The following ABTB2 variants were observed in gnomAD, a reference collection of about 807,000 sequenced individuals.
ABTB2 encodes ankyrin repeat and BTB/POZ domain-containing protein 2.
ABTB2 carries 56 observed loss-of-function variants against 104.1 expected under a neutral mutation model. That is an observed-to-expected ratio of 0.54 (90% confidence interval 0.43 to 0.67). ABTB2 has a LOEUF of 0.67. Among genes scored for constraint, ABTB2 ranks in the 30% least tolerant of loss-of-function variants. The pLI is 0.00. For missense variants in ABTB2, 1,279 were observed against 1,407.7 expected (o/e 0.91, Z 1.46); for synonymous variants, 606 against 608.2 (o/e 1.00, Z 0.05).
intron 1 of ABTB2, among the ~76,000 whole-genome samples, chr11:34,300,221 T>C (rs1854684973): frequency 6.6e-6 from 1 of 152,180 alleles, no homozygotes; most frequent in African/African-American, 2.4e-5. Flanking sequence ...GCTTCACAAG[T>C]TGTGGAAACC....
intron 1 of ABTB2, among the ~76,000 whole-genome samples, chr11:34,320,245 T>C (rs1854984282): frequency 6.6e-6 from 1 of 152,194 alleles, no homozygotes; most frequent in African/African-American, 2.4e-5. Context: ...ATGACCCAAA[T>C]AGAAATTTAA....
At chr11:34,188,724 CCAT>C (rs1853134908) in intron 3 of ABTB2, among the ~76,000 whole-genome samples, 1 of 152,170 alleles carries the variant, frequency 6.6e-6, no homozygotes, top group Admixed American at 6.5e-5. Flanking sequence ...GCCACCACTG[CCAT>C]CATCTCTATT....
At chr11:34,257,582 AC>A (rs1854139408) in intron 1 of ABTB2, among the ~76,000 whole-genome samples, 1 of 152,006 alleles carries the variant, frequency 6.6e-6, no homozygotes, top group African/African-American at 2.4e-5. Context: ...AGCTAATACG[AC>A]TGAGGAGTGA....
At chr11:34,248,285 G>T (rs918824332) in intron 1 of ABTB2, among the ~76,000 whole-genome samples, 1 of 151,656 alleles carries the variant, frequency 6.6e-6, no homozygotes, top group African/African-American at 2.4e-5. Context: ...GAGGGTGGGG[G>T]ATCTCATTTG....
intron 1 of ABTB2, among the ~76,000 whole-genome samples, chr11:34,304,446 C>A (rs1854747485): frequency 6.6e-6 from 1 of 152,156 alleles, no homozygotes; most frequent in African/African-American, 2.4e-5. Context: ...CCAATACTGT[C>A]ACAAGTGCTT....
chr11:34,198,212 G>T (rs1002299755), intron 2 of ABTB2, among the ~76,000 whole-genome samples: 1 of 152,080 alleles, frequency 6.6e-6, no homozygotes, highest in Non-Finnish European at 1.5e-5. Flanking sequence ...ATCACTTTAG[G>T]CCAGGAGTTT....
intron 1 of ABTB2, among the ~76,000 whole-genome samples, chr11:34,321,256 G>A (rs1311228409): frequency 2.0e-5 from 3 of 152,158 alleles, no homozygotes; most frequent in East Asian, 1.9e-4. Flanking sequence ...GAACAGCTGC[G>A]TATTTCTTAT....
intron 1 of ABTB2, among the ~76,000 whole-genome samples, chr11:34,331,414 C>G (rs575777300): frequency 5.3e-5 from 8 of 152,290 alleles, no homozygotes; most frequent in African/African-American, 1.9e-4. Flanking sequence ...AATAGATACA[C>G]TGTTCTCTTA....
intron 1 of ABTB2, among the ~76,000 whole-genome samples, chr11:34,286,580 A>C (rs113419929): frequency 1.3e-5 from 2 of 152,066 alleles, no homozygotes; most frequent in African/African-American, 4.8e-5. Flanking sequence ...GGCATGAGCC[A>C]CCATGCCCGG....
chr11:34,220,041 A>G (rs1853599028), intron 1 of ABTB2, among the ~76,000 whole-genome samples: 1 of 152,250 alleles, frequency 6.6e-6, no homozygotes, highest in Non-Finnish European at 1.5e-5. Context: ...CTCATAGTTA[A>G]GCAACAATAT....
chr11:34,289,905 A>G (rs1186138111), intron 1 of ABTB2, among the ~76,000 whole-genome samples: 2 of 152,212 alleles, frequency 1.3e-5, no homozygotes, highest in Non-Finnish European at 2.9e-5. Context: ...GTTGACCCAC[A>G]CAGCCTTTTT....
chr11:34,159,902 C>A lies in ABTB2; in HGVS notation c.2606+4G>T. On this transcript the variant is annotated splice_donor_region_variant and intron_variant, in intron 13 of 16. Coordinates refer to ENST00000435224, the MANE Select transcript of ABTB2 (RefSeq NM_145804.3). ...CTGGGAGTTTGTTATCTGAGGCTGC[C>A]TACCTGTTAGAAGCTGTCACCAGCA... 6.2e-7 allele frequency: 1 copy of A among 1,610,698 alleles called. No individual in the cohort carries two copies. Among genetic ancestry groups the A allele is most frequent in the Non-Finnish European group, 8.5e-7 (1 of 1,177,028 alleles).
chr11:34,226,669 A>AT (rs1853691809), intron 1 of ABTB2, among the ~76,000 whole-genome samples: 1 of 152,212 alleles, frequency 6.6e-6, no homozygotes, highest in Non-Finnish European at 1.5e-5. Context: ...ATGCTATAAA[A>AT]TTTACCCTTT....
intron 3 of ABTB2, among the ~76,000 whole-genome samples, chr11:34,188,431 G>A (rs771513631): frequency 5.9e-5 from 9 of 152,172 alleles, no homozygotes; most frequent in Admixed American, 4.6e-4. Flanking sequence ...CAAAAAGAGC[G>A]TACAGTGAGG....
chr11:34,225,807 A>G (rs1290752060), intron 1 of ABTB2, among the ~76,000 whole-genome samples: 1 of 152,134 alleles, frequency 6.6e-6, no homozygotes, highest in Non-Finnish European at 1.5e-5. Context: ...GGGTGGGCAG[A>G]GAAAAGGAGA....
chr11:34,261,093 A>G (rs1456274098), intron 1 of ABTB2, among the ~76,000 whole-genome samples: 1 of 152,170 alleles, frequency 6.6e-6, no homozygotes, highest in Non-Finnish European at 1.5e-5. Flanking sequence ...ACTGCACTCC[A>G]GCCTAGGCAA....
At chr11:34,294,856 A>G (rs1245581042) in intron 1 of ABTB2, among the ~76,000 whole-genome samples, 1 of 151,976 alleles carries the variant, frequency 6.6e-6, no homozygotes, top group African/African-American at 2.4e-5. Flanking sequence ...CTGGGATTAC[A>G]GGTGCCCAAA....
intron 9 of ABTB2, 137 bp from the exon 10 acceptor site, chr11:34,162,942 C>T (rs1252212194): frequency 2.4e-6 from 2 of 822,832 alleles, no homozygotes; most frequent in Non-Finnish European, 1.9e-6. Flanking sequence ...GGTCTTCCTC[C>T]TCCAGGCAGG....
chr11:34,285,785 G>A lies in ABTB2; in HGVS notation c.883+70916C>T, dbSNP rs568368810. On this transcript the variant is annotated intron_variant, in intron 1 of 16. Coordinates refer to ENST00000435224, the MANE Select transcript of ABTB2 (RefSeq NM_145804.3). ...TTCTGACTGCTTTTTGGGAAGAGATGCCCAGGTTACTGAGAGGCAAGCACT... is the reference window on the plus strand; with the variant it reads ...TTCTGACTGCTTTTTGGGAAGAGATACCCAGGTTACTGAGAGGCAAGCACT... 2.2e-4 allele frequency among the ~76,000 whole-genome samples: 34 copies of A among 152,254 alleles called. No homozygotes were observed. In the South Asian group the frequency reaches 5.2e-3, roughly 23 times the overall value.
Sources: allele counts gnomAD v4.1 joint callset (sites outside exome capture counted in the v4.1 genomes callset), GRCh38; gene constraint gnomAD v4.1.1; transcripts MANE v1.5; gene names NCBI Gene and HGNC (gene_info 2026-07-23, HGNC 2026-07-21).